Variants in LARGE1 observed in about 807,000 individuals in gnomAD.
The protein encoded by LARGE1 is LARGE xylosyl- and glucuronyltransferase 1.
In LARGE1, 43 loss-of-function variants were observed where a neutral mutation model predicts 87.6. That is an observed-to-expected ratio of 0.49 (90% confidence interval 0.38 to 0.63). The LOEUF (loss-of-function observed/expected upper bound fraction) is 0.63, where lower values mean the gene tolerates loss of function less well. LARGE1 is among the 30% of genes least tolerant of loss of function. The pLI is 0.00. For missense variants in LARGE1, 802 were observed against 1,000.2 expected (o/e 0.80, Z 2.67); for synonymous variants, 434 against 394.6 (o/e 1.10, Z -1.18).
intron 6 of LARGE1, among the ~76,000 whole-genome samples, chr22:33,540,305 T>A (rs1280903836): frequency 6.6e-6 from 1 of 152,150 alleles, no homozygotes; most frequent in Non-Finnish European, 1.5e-5. Flanking sequence ...AGTCCCCCCC[T>A]GTGCTGTTTG....
At chr22:33,752,857 G>A (rs2084372863) in intron 2 of LARGE1, among the ~76,000 whole-genome samples, 1 of 152,180 alleles carries the variant, frequency 6.6e-6, no homozygotes, top group African/African-American at 2.4e-5. Context: ...ACAGGGCTTC[G>A]CCAGTACCAT....
At chr22:33,085,433 A>G in the LARGE1 span, among the ~76,000 whole-genome samples, 32 of 152,236 alleles carry the variant, frequency 2.1e-4, 1 homozygote, top group Admixed American at 1.8e-3. Flanking sequence ...AGAACAATCA[A>G]TTTGACTTTG....
intron 6 of LARGE1, among the ~76,000 whole-genome samples, chr22:33,499,335 G>C (rs2070319520): frequency 6.6e-6 from 1 of 152,188 alleles, no homozygotes; most frequent in Non-Finnish European, 1.5e-5. Context: ...CCTCATCCCT[G>C]TTCAAAGTAT....
intron 1 of LARGE1, among the ~76,000 whole-genome samples, chr22:33,783,203 TGA>T (rs2085482500): frequency 6.6e-6 from 1 of 151,846 alleles, no homozygotes; most frequent in African/African-American, 2.4e-5. Context: ...ATCAGAGTGA[TGA>T]GAGTCTCTTT....
intron 11 of LARGE1, among the ~76,000 whole-genome samples, chr22:33,174,554 G>C (rs1335508742): frequency 6.6e-6 from 1 of 152,126 alleles, no homozygotes; most frequent in Non-Finnish European, 1.5e-5. Context: ...TCCAGCAGCT[G>C]CTTTTTTGAA....
intron 7 of LARGE1, among the ~76,000 whole-genome samples, chr22:33,421,580 A>G (rs973022118): frequency 2.0e-5 from 3 of 152,190 alleles, no homozygotes; most frequent in African/African-American, 7.2e-5. Flanking sequence ...AAACAAGGTA[A>G]CTATGCCTAC....
chr22:33,262,008 A>G (rs1164064703), intron 11 of LARGE1, among the ~76,000 whole-genome samples: 1 of 152,260 alleles, frequency 6.6e-6, no homozygotes, highest in South Asian at 2.1e-4. Flanking sequence ...GGATAAAGAA[A>G]GAGTTCTCTA....
intron 6 of LARGE1, among the ~76,000 whole-genome samples, chr22:33,467,310 T>C (rs1459198335): frequency 6.6e-6 from 1 of 152,210 alleles, no homozygotes; most frequent in Non-Finnish European, 1.5e-5. Flanking sequence ...TGTTGGCTGA[T>C]AAGGGACCCA....
the LARGE1 span, among the ~76,000 whole-genome samples, chr22:33,111,959 A>G: frequency 5.9e-5 from 9 of 152,228 alleles, no homozygotes; most frequent in African/African-American, 9.6e-5. Context: ...AATAAAGTCC[A>G]ATATAGCTGG....
intron 12 of LARGE1, among the ~76,000 whole-genome samples, chr22:33,301,508 A>G (rs1219429315): frequency 3.3e-5 from 5 of 152,316 alleles, no homozygotes; most frequent in African/African-American, 9.6e-5. Context: ...ATGAAAATCC[A>G]GATTCCCAAC....
chr22:33,141,754 T>C, the LARGE1 span, among the ~76,000 whole-genome samples: 2 of 152,204 alleles, frequency 1.3e-5, no homozygotes, highest in Admixed American at 1.3e-4. Context: ...GCTTTTGGTA[T>C]ATGTAAGATT....
At chr22:33,543,845 T>A (rs2077279837) in intron 6 of LARGE1, among the ~76,000 whole-genome samples, 1 of 152,234 alleles carries the variant, frequency 6.6e-6, no homozygotes, top group South Asian at 2.1e-4. Context: ...AACGATGAAC[T>A]GCTTGCAAGA....
intron 6 of LARGE1, among the ~76,000 whole-genome samples, chr22:33,546,644 G>A (rs1207450046): frequency 1.3e-5 from 2 of 152,108 alleles, no homozygotes; most frequent in African/African-American, 4.8e-5. Flanking sequence ...GAGTGCAATG[G>A]TGCAATCTCA....
At chr22:33,450,168 T>C (rs935189851) in intron 6 of LARGE1, among the ~76,000 whole-genome samples, 1 of 151,392 alleles carries the variant, frequency 6.6e-6, no homozygotes, top group Non-Finnish European at 1.5e-5. Context: ...CACCTCCACC[T>C]CCCAAAGTGC....
At chr22:33,775,564 G>T (rs1321886380) in intron 1 of LARGE1, among the ~76,000 whole-genome samples, 1 of 152,142 alleles carries the variant, frequency 6.6e-6, no homozygotes, top group African/African-American at 2.4e-5. Flanking sequence ...TTAAGACTGG[G>T]GGGTTGGCGG....
intron 11 of LARGE1, among the ~76,000 whole-genome samples, chr22:33,248,096 T>G (rs1168186108): frequency 2.0e-5 from 3 of 152,234 alleles, no homozygotes; most frequent in African/African-American, 4.8e-5. Flanking sequence ...TTTCAAGTCT[T>G]TATTTTTTAA....
the LARGE1 span, among the ~76,000 whole-genome samples, chr22:33,130,353 G>A: frequency 7.6e-6 from 1 of 131,138 alleles, no homozygotes; most frequent in Non-Finnish European, 1.6e-5. Flanking sequence ...TAGCAGGCAT[G>A]GTGGTGCATT....
At chr22:33,262,769 T>TTTCC (rs962854094) in intron 11 of LARGE1, among the ~76,000 whole-genome samples, 3 of 144,000 alleles carry the variant, frequency 2.1e-5, no homozygotes, top group Non-Finnish European at 4.7e-5. Context: ...TTCCCTTCCC[T>TTTCC]TTCCTTCCTT....
At chr22:33,290,244 G>C (rs935962789) in intron 12 of LARGE1, among the ~76,000 whole-genome samples, 1 of 152,040 alleles carries the variant, frequency 6.6e-6, no homozygotes, top group Non-Finnish European at 1.5e-5. Context: ...AACAGCCCAG[G>C]TTCCTGGCAT....
Sources: allele counts gnomAD v4.1 joint callset (sites outside exome capture counted in the v4.1 genomes callset), GRCh38; gene constraint gnomAD v4.1.1; transcripts MANE v1.5; gene names NCBI Gene and HGNC (gene_info 2026-07-23, HGNC 2026-07-21).